HECW1: variants seen among roughly 807,000 people sequenced by gnomAD.
The protein encoded by HECW1 is HECT, C2 and WW domain containing E3 ubiquitin protein ligase 1.
Under a neutral mutation model 182.3 loss-of-function variants are expected in HECW1, and 61 were observed. The ratio of observed to expected loss-of-function variants is 0.33; its 90% CI spans 0.27 to 0.41. HECW1 has a LOEUF of 0.41. HECW1 is among the 10% of genes least tolerant of loss of function. HECW1 has a pLI of 1.00. For missense variants in HECW1, 1,739 were observed against 2,108.9 expected, an observed-to-expected ratio of 0.82 and a Z score of 3.44; for synonymous variants, 859 against 832.6, an observed-to-expected ratio of 1.03 and a Z score of -0.55.
intron 5 of HECW1, among the ~76,000 whole-genome samples, chr7:43,327,387 A>C (rs978189440): frequency 6.6e-6 from 1 of 152,154 alleles, no homozygotes; most frequent in Non-Finnish European, 1.5e-5. Flanking sequence ...GCTAAATTGA[A>C]ATCATGGTTA....
intron 19 of HECW1, among the ~76,000 whole-genome samples, chr7:43,496,176 G>GA (rs902998088): frequency 2.0e-5 from 3 of 149,694 alleles, no homozygotes; most frequent in African/African-American, 4.9e-5. Context: ...GTTGGAATTG[G>GA]AAAAAAAACT....
chr7:43,115,857 C>G (rs1370321849), intron 2 of HECW1, among the ~76,000 whole-genome samples: 1 of 152,166 alleles, frequency 6.6e-6, no homozygotes, highest in Admixed American at 6.5e-5. Context: ...ATAGCACTTA[C>G]AATATTGCAG....
Position 43,521,503 on chromosome 7 carries a change from G to A in HECW1, c.4019+12382G>A, listed in dbSNP as rs144562578. ...GAAAACATTTTCAGCCTTGGAATAC[G>A]TCATGGCTGCGGGTTGAATATATGT... On this transcript the variant is annotated intron_variant, in intron 24 of 29. Transcript: ENST00000395891. Among the ~76,000 whole-genome samples, 26 of 152,312 alleles carry A rather than the reference G, an allele frequency of 1.7e-4. 1 individual carries two copies. The East Asian group carries it at 3.5e-3, about 20-fold the overall frequency.
intron 3 of HECW1, among the ~76,000 whole-genome samples, chr7:43,279,525 G>A (rs550251177): frequency 6.6e-6 from 1 of 151,810 alleles, no homozygotes; most frequent in Non-Finnish European, 1.5e-5. Context: ...ACTATGCTGG[G>A]GCCTCACTAG....
At chr7:43,401,986 A>G (rs1040951627) in intron 7 of HECW1, among the ~76,000 whole-genome samples, 1 of 151,962 alleles carries the variant, frequency 6.6e-6, no homozygotes, top group Non-Finnish European at 1.5e-5. Flanking sequence ...GAATGTTGAG[A>G]GGAGTTCAGT....
At position 43,445,027 on chromosome 7, in the gene HECW1, G is replaced by A. The variant is rs1049982807; in HGVS notation, c.1855G>A (p.Glu619Lys). The stretch of plus-strand genomic sequence containing the variant: ...GTCTGCCCTGGAAGAGGACAGAGAA[G>A]AGCCCGAGGGGGCTACTCCAGGCAC... ...DPSALEEDRE[E>K]PEGATPGTAH... Residue 619 changes from glutamate (E) to lysine (K), a missense_variant, in exon 11 of 30, where the codon GAG becomes AAG. Physicochemically the swap from Glu to Lys is moderately conservative, Grantham distance 56. Around this residue, in one of 5 missense-constraint regions of HECW1, gnomAD observed 971 missense variants for 1,029.1 expected, o/e 0.94. Coordinates refer to ENST00000395891, the MANE Select transcript of HECW1 (RefSeq NM_015052.5). 1.3e-6 allele frequency: 2 copies of A among 1,562,898 alleles called. No individual in the cohort carries two copies. The highest frequency in any genetic ancestry group is 1.7e-6 in the Non-Finnish European group (2 of 1,153,898).
intron 8 of HECW1, among the ~76,000 whole-genome samples, chr7:43,433,106 G>A (rs2076603724): frequency 6.6e-6 from 1 of 152,206 alleles, no homozygotes; most frequent in African/African-American, 2.4e-5. Flanking sequence ...ATATCTAGGG[G>A]AGTGTCACTG....
intron 4 of HECW1, among the ~76,000 whole-genome samples, chr7:43,319,055 C>T (rs979579362): frequency 6.6e-6 from 1 of 152,218 alleles, no homozygotes; most frequent in Admixed American, 6.5e-5. Flanking sequence ...GATCTGTCCT[C>T]CTCAAGAATG....
chr7:43,208,881 A>G (rs751999085), intron 2 of HECW1, among the ~76,000 whole-genome samples: 14 of 151,678 alleles, frequency 9.2e-5, no homozygotes, highest in Admixed American at 2.0e-4. Flanking sequence ...GAAGCCACAC[A>G]CTCTTGGAGG....
At chr7:43,274,795 C>T (rs1336826311) in intron 3 of HECW1, among the ~76,000 whole-genome samples, 1 of 152,106 alleles carries the variant, frequency 6.6e-6, no homozygotes, top group African/African-American at 2.4e-5. Flanking sequence ...GTGAGTCACA[C>T]GTGAGGACAT....
At chr7:43,348,930 A>G (rs1814033945) in intron 5 of HECW1, among the ~76,000 whole-genome samples, 1 of 152,182 alleles carries the variant, frequency 6.6e-6, no homozygotes, top group Admixed American at 6.5e-5. Flanking sequence ...ATGGCCTATC[A>G]TATGATCTAT....
intron 3 of HECW1, among the ~76,000 whole-genome samples, chr7:43,266,262 G>A (rs1490434159): frequency 6.6e-6 from 1 of 152,176 alleles, no homozygotes; most frequent in Non-Finnish European, 1.5e-5. Context: ...ATAAACTCTG[G>A]TAGGGGTGAA....
chr7:43,337,448 A>G (rs1274418912), intron 5 of HECW1, among the ~76,000 whole-genome samples: 1 of 152,116 alleles, frequency 6.6e-6, no homozygotes, highest in Non-Finnish European at 1.5e-5. Context: ...AGACAAAGAT[A>G]TATTTGAGAG....
intron 5 of HECW1, among the ~76,000 whole-genome samples, chr7:43,337,412 A>T (rs1313114629): frequency 1.3e-5 from 2 of 152,070 alleles, no homozygotes; most frequent in Non-Finnish European, 2.9e-5. Context: ...GAGTCATCTG[A>T]TATAGACTCA....
chr7:43,207,149 C>T (rs959737929), intron 2 of HECW1, among the ~76,000 whole-genome samples: 5 of 152,228 alleles, frequency 3.3e-5, no homozygotes, highest in Admixed American at 2.0e-4. Flanking sequence ...TGGGTTCAAG[C>T]AATTATCCTG....
chr7:43,275,930 T>C (rs1456049746), intron 3 of HECW1, among the ~76,000 whole-genome samples: 3 of 152,216 alleles, frequency 2.0e-5, no homozygotes, highest in African/African-American at 7.2e-5. Flanking sequence ...ACTAGATTTT[T>C]GTGGTTAAAA....
chr7:43,234,575 T>A (rs1798150541), intron 2 of HECW1, among the ~76,000 whole-genome samples: 1 of 152,118 alleles, frequency 6.6e-6, no homozygotes, highest in Non-Finnish European at 1.5e-5. Context: ...TTCCTTCAGG[T>A]CTTTATTCAA....
At chr7:43,341,600 A>C (rs1488327986) in intron 5 of HECW1, among the ~76,000 whole-genome samples, 2 of 151,840 alleles carry the variant, frequency 1.3e-5, no homozygotes. Context: ...ATCACGTGGC[A>C]ATTTGTATAA....
At chr7:43,541,371 T>C in intron 25 of HECW1, 110 bp downstream of exon 25, 1 of 804,000 alleles carries the variant, frequency 1.2e-6, no homozygotes, top group Non-Finnish European at 2.2e-6. Flanking sequence ...TAACCATTCC[T>C]GTTAGGGTTA....
Sources: gnomAD v4.1 joint callset for allele counts (sites outside exome capture counted in the v4.1 genomes callset) on GRCh38, gnomAD v4.1.1 for gene constraint, gnomAD v4.1.1 regional missense constraint, MANE v1.5 for transcripts, NCBI Gene and HGNC (gene_info 2026-07-23, HGNC 2026-07-21) for gene names.